The following ELAPOR1 variants were observed in gnomAD, a reference collection of about 807,000 sequenced individuals.
The protein encoded by ELAPOR1 is endosome-lysosome associated apoptosis and autophagy regulator 1.
Under a neutral mutation model 119.7 loss-of-function variants are expected in ELAPOR1, and 77 were observed. That is an observed-to-expected ratio of 0.64 (90% confidence interval 0.54 to 0.78). The LOEUF (loss-of-function observed/expected upper bound fraction) is 0.78. ELAPOR1 is among the 30% of genes least tolerant of loss of function. The probability of loss-of-function intolerance (pLI) is 0.00; values close to 1 mark genes in which losing one functional copy is unlikely to be tolerated. For synonymous variants in ELAPOR1, 481 were observed against 487.2 expected (o/e 0.99, Z 0.17); for missense variants, 1,115 against 1,270.4 (o/e 0.88, Z 1.86).
chr1:109,146,209 A>G (rs1393822098), intron 1 of ELAPOR1, among the ~76,000 whole-genome samples: 1 of 152,142 alleles, frequency 6.6e-6, no homozygotes, highest in Non-Finnish European at 1.5e-5. Context: ...AGTCCCAGCT[A>G]CTGAGGAGGC....
At chr1:109,117,766 G>T (rs532831056) in intron 1 of ELAPOR1, among the ~76,000 whole-genome samples, 1 of 152,138 alleles carries the variant, frequency 6.6e-6, no homozygotes, top group Non-Finnish European at 1.5e-5. Context: ...TATAAATGAC[G>T]TCATAAGATT....
At chr1:109,123,400 A>G (rs773312997) in intron 1 of ELAPOR1, among the ~76,000 whole-genome samples, 11 of 152,206 alleles carry the variant, frequency 7.2e-5, no homozygotes, top group Admixed American at 2.0e-4. Context: ...TCTTTTATAT[A>G]CTTTCAGCAT....
rs1329092193 is a variant in ELAPOR1 at position 109,141,628 on chromosome 1, T to A, written c.154-20266T>A. ...CAAAGTGGCTGATGTTACCACTCAA[T>A]TAGATATGGAATGCTGCTGGGGAGA... On this transcript the variant is annotated intron_variant, in intron 1 of 21. Coordinates refer to ENST00000369939, the MANE Select transcript of ELAPOR1 (RefSeq NM_020775.5). 3.9e-5 allele frequency among the ~76,000 whole-genome samples: 6 copies of A among 152,078 alleles called. No homozygotes were observed. The East Asian group carries it at 1.2e-3, about 29-fold the overall frequency.
intron 1 of ELAPOR1, among the ~76,000 whole-genome samples, chr1:109,153,857 C>T (rs1024499544): frequency 6.6e-6 from 1 of 151,928 alleles, no homozygotes; most frequent in African/African-American, 2.4e-5. Flanking sequence ...CTCCTCACCT[C>T]GATTACAGGC....
In ELAPOR1 at chr1:109,206,181, A is replaced by G. The variant is rs1436011758; in HGVS notation, c.*3169A>G. 6.6e-6 allele frequency: 1 copy of G among 151,992 alleles called. No homozygotes were observed. Among genetic ancestry groups the G allele is most frequent in the Non-Finnish European group, 1.5e-5 (1 of 68,016 alleles). The allele number at this position is 151,992 out of a possible 1,614,324, so 9.4% of individuals were successfully genotyped here. A position where few individuals can be genotyped will look rare whatever the true frequency, so the allele number is the denominator to read the frequency against. Reference sequence around the variant, plus strand: ...AAGCATGCGCCACCACGCCTAGCTAATTTTTGTGTTTTTAGTAGAGATGGG... The same window carrying G: ...AAGCATGCGCCACCACGCCTAGCTAGTTTTTGTGTTTTTAGTAGAGATGGG... On this transcript the variant is annotated 3_prime_UTR_variant, in exon 22 of 22. Transcript: ENST00000369939.
chr1:109,165,977 G>T (rs1031816898), intron 3 of ELAPOR1, among the ~76,000 whole-genome samples: 3 of 151,576 alleles, frequency 2.0e-5, no homozygotes, highest in Non-Finnish European at 4.4e-5. Context: ...ATGCAGTGGT[G>T]CCCTCTCCGC....
intron 8 of ELAPOR1, among the ~76,000 whole-genome samples, chr1:109,185,456 A>G (rs1188780184): frequency 6.6e-6 from 1 of 152,018 alleles, no homozygotes; most frequent in Non-Finnish European, 1.5e-5. Flanking sequence ...TCCGTACACA[A>G]TGTCCTCCCG....
chr1:109,114,309 G>A lies in ELAPOR1; in HGVS notation c.126G>A (p.Thr42=), dbSNP rs139816507. ...AGTAFQVTQG[T]GPELHACKES... ...CCGCCTTCCAGGTGACCCAGGGAAC[G>A]GGACCGGAGCTTCATGCCTGCAAAG... Residue 42 remains threonine (T), a synonymous_variant, in exon 1 of 22, where the codon ACG becomes ACA. Coordinates refer to ENST00000369939, the MANE Select transcript of ELAPOR1 (RefSeq NM_020775.5). The A allele has an allele frequency of 0.011, 17,624 of 1,600,048 alleles. 150 individuals are homozygous for A. The highest frequency in any genetic ancestry group is 0.027 in the Middle Eastern group (166 of 6,040).
chr1:109,193,533 T>C (rs935242195), intron 14 of ELAPOR1, among the ~76,000 whole-genome samples: 1 of 151,922 alleles, frequency 6.6e-6, no homozygotes, highest in African/African-American at 2.4e-5. Flanking sequence ...AAAAAATAAA[T>C]AAAAATAAAG....
At chr1:109,202,377 C>T (rs1409583071) in intron 21 of ELAPOR1, among the ~76,000 whole-genome samples, 1 of 151,648 alleles carries the variant, frequency 6.6e-6, no homozygotes, top group Non-Finnish European at 1.5e-5. Context: ...GCTTTGGCCT[C>T]CCAAAGTGCT....
rs775313419 is a variant in ELAPOR1, at chr1:109,172,440, A to T, written c.616-48A>T. 6.4e-6 allele frequency: 9 copies of T among 1,398,936 alleles called. No homozygotes were observed. The Admixed American group carries it at 1.5e-4, about 24-fold the overall frequency. The allele number at this position is 1,398,936 out of a possible 1,614,324, so 86.7% of individuals were successfully genotyped here. On this transcript the variant is annotated intron_variant, in intron 4 of 21. Transcript: ENST00000369939. ...TGGTGCAATGTGGGGAAAGGTATCC[A>T]TTTCCTTAGAAAGCTGAGACTCTGG...
rs748245938 is a variant in ELAPOR1 at position 109,200,744 on chromosome 1, C to T, written c.2817C>T (p.Tyr939=). 3.1e-6 allele frequency: 5 copies of T among 1,613,738 alleles called. No individual in the cohort carries two copies. The highest frequency in any genetic ancestry group is 3.4e-6 in the Non-Finnish European group (4 of 1,179,830). ...TCCTCCTGTTTTATAGACTAGAGTACAAGTACTCCAAGCTGGTGATGAATG... is the reference window on the plus strand; with the variant it reads ...TCCTCCTGTTTTATAGACTAGAGTATAAGTACTCCAAGCTGGTGATGAATG... ...YFWKKNQKLE[Y]KYSKLVMNAT... Residue 939 remains tyrosine, a synonymous_variant, in exon 21 of 22, where the codon TAC becomes TAT. Transcript: ENST00000369939.
rs554998386 is a variant in ELAPOR1, at chr1:109,180,466, A to G, written c.953-4579A>G. Among the ~76,000 whole-genome samples, 4 of 151,498 alleles carry G rather than the reference A, an allele frequency of 2.6e-5. No individual in the cohort carries two copies. The East Asian group carries it at 7.8e-4, about 30-fold the overall frequency. On this transcript the variant is annotated intron_variant, in intron 7 of 21. Coordinates refer to ENST00000369939, the MANE Select transcript of ELAPOR1 (RefSeq NM_020775.5). ...AAGCTGAGTGAGCCATGATTGCTCCATTGCACTCCGGCCTGGGCATCAGAA... is the reference window on the plus strand; with the variant it reads ...AAGCTGAGTGAGCCATGATTGCTCCGTTGCACTCCGGCCTGGGCATCAGAA...
Position 109,199,949 on chromosome 1 carries a change from C to G in ELAPOR1, c.2597C>G (p.Ala866Gly), listed in dbSNP as rs1358689991. The change falls in exon 19 of 22, where the codon GCT becomes GGT. Residue 866 changes from alanine (A) to glycine (G), a missense_variant. Coordinates refer to ENST00000369939, the MANE Select transcript of ELAPOR1 (RefSeq NM_020775.5). Reference protein sequence around the residue: ...CPLCSVADYHAIVSSCVAGIQ... With the variant: ...CPLCSVADYHGIVSSCVAGIQ... ...CTCTGCTCAGTGGCTGACTACCATG[C>G]TATCGTCAGCAGCTGTGTGGCTGGG... 9 of 1,614,016 alleles carry G rather than the reference C, an allele frequency of 5.6e-6. No individual in the cohort carries two copies. Among genetic ancestry groups the G allele is most frequent in the Non-Finnish European group, 6.8e-6 (8 of 1,180,040 alleles).
At position 109,198,641 on chromosome 1, in the gene ELAPOR1, A is replaced by G. The variant is rs1336216874; in HGVS notation, c.2468A>G (p.Gln823Arg). Reference sequence around the variant, plus strand: ...ACCATCCGCGTCAGGTGCAGTCCACAGAAAACTGTCCCTGGAAGTTTGCTG... The same window carrying G: ...ACCATCCGCGTCAGGTGCAGTCCACGGAAAACTGTCCCTGGAAGTTTGCTG... ...STTIRVRCSPQKTVPGSLLLP... is the reference protein window; with the variant it reads ...STTIRVRCSPRKTVPGSLLLP... The change falls in exon 18 of 22, where the codon CAG (glutamine) becomes CGG (arginine). Residue 823 changes from glutamine (Q) to arginine (R), a missense_variant. By Grantham distance (43) the Gln-to-Arg change is conservative. Coordinates refer to ENST00000369939, the MANE Select transcript of ELAPOR1 (RefSeq NM_020775.5). 6.2e-7 allele frequency: 1 copy of G among 1,613,930 alleles called. No individual in the cohort carries two copies. Among genetic ancestry groups the G allele is most frequent in the Non-Finnish European group, 8.5e-7 (1 of 1,179,950 alleles).
chr1:109,173,652 G>A (rs1230569025), intron 6 of ELAPOR1, 36 bp from the exon 7 acceptor site: 1 of 1,613,474 alleles, frequency 6.2e-7, no homozygotes, highest in Admixed American at 1.7e-5. Flanking sequence ...TCTCCAGGCT[G>A]AATCCTTGCT....
At chr1:109,116,851 C>T (rs967736842) in intron 1 of ELAPOR1, among the ~76,000 whole-genome samples, 7 of 151,990 alleles carry the variant, frequency 4.6e-5, no homozygotes, top group Admixed American at 1.3e-4. Context: ...CAACCACACC[C>T]GGCTAATTTT....
intron 2 of ELAPOR1, among the ~76,000 whole-genome samples, chr1:109,163,459 A>G (rs1229522985): frequency 1.3e-5 from 2 of 152,110 alleles, no homozygotes; most frequent in African/African-American, 4.8e-5. Flanking sequence ...CAGAGGTGCA[A>G]TCATAGCTCT....
Position 109,171,971 on chromosome 1 carries a change from C to T in ELAPOR1, c.573C>T (p.Phe191=), listed in dbSNP as rs112023388. The T allele has an allele frequency of 1.1e-3, 1,698 of 1,614,180 alleles. 3 individuals are homozygous for T. The highest frequency in any genetic ancestry group is 1.3e-3 in the Non-Finnish European group (1,551 of 1,180,034). Residue 191 remains phenylalanine, a synonymous_variant, in exon 4 of 22, where the codon TTC becomes TTT. Transcript: ENST00000369939. ...TGAAGCAATCTGGCACCGTTAACTTCGAATACTACTATCCAGACTCCAGCA... is the reference window on the plus strand; with the variant it reads ...TGAAGCAATCTGGCACCGTTAACTTTGAATACTACTATCCAGACTCCAGCA... ...VNLKQSGTVN[F]EYYYPDSSII...
Sources: gnomAD v4.1 joint callset for allele counts (sites outside exome capture counted in the v4.1 genomes callset) on GRCh38, gnomAD v4.1.1 for gene constraint, MANE v1.5 for transcripts, NCBI Gene and HGNC (gene_info 2026-07-23, HGNC 2026-07-21) for gene names.